Variants in NFIB observed in about 807,000 individuals in gnomAD.
NFIB encodes nuclear factor I B, also known as nuclear factor 1 B-type.
In NFIB, 11 loss-of-function variants were observed where a neutral mutation model predicts 61.5. The ratio of observed to expected loss-of-function variants is 0.18; its 90% CI spans 0.11 to 0.30. The LOEUF is 0.30. NFIB is among the 10% of genes least tolerant of loss of function. The pLI, the probability that NFIB is intolerant of heterozygous loss-of-function variation, is 1.00. For missense variants in NFIB, 471 were observed against 608.9 expected (o/e 0.77, Z 2.38); for synonymous variants, 260 against 216.5 (o/e 1.20, Z -1.76).
intron 2 of NFIB, among the ~76,000 whole-genome samples, chr9:14,294,610 G>A (rs1441609223): frequency 6.6e-6 from 1 of 152,206 alleles, no homozygotes; most frequent in Non-Finnish European, 1.5e-5. Flanking sequence ...GAATGCCACA[G>A]ATTATTAAAA....
chr9:14,407,474 T>C, the NFIB span, among the ~76,000 whole-genome samples: 1 of 152,112 alleles, frequency 6.6e-6, no homozygotes. Flanking sequence ...CTGAGGAGGG[T>C]CCATCAGGTG....
the NFIB span, among the ~76,000 whole-genome samples, chr9:14,470,617 G>A: frequency 6.6e-6 from 1 of 152,238 alleles, no homozygotes; most frequent in Admixed American, 6.5e-5. Context: ...GGGATAGGGG[G>A]ATTTCCTCTA....
At chr9:14,502,390 T>C in the NFIB span, among the ~76,000 whole-genome samples, 3 of 152,190 alleles carry the variant, frequency 2.0e-5, no homozygotes, top group South Asian at 2.1e-4. Context: ...AAAATAAGAA[T>C]ATCTACTGAT....
Position 14,208,343 on chromosome 9 carries a change from C to T in NFIB, c.563-28563G>A, listed in dbSNP as rs894801718. 3.9e-5 allele frequency among the ~76,000 whole-genome samples: 6 copies of T among 151,920 alleles called. No homozygotes were observed. The South Asian group carries it at 1.2e-3, about 32-fold the overall frequency. ...CTTCCGACATCAAGGTTAAATTGTA[C>T]TAAAAAAGAAAAAAATTACACCTCA... On this transcript the variant is annotated intron_variant, in intron 2 of 10. Coordinates refer to ENST00000380953, the MANE Select transcript of NFIB (RefSeq NM_001190737.2).
At chr9:14,286,334 T>G (rs1182946216) in intron 2 of NFIB, among the ~76,000 whole-genome samples, 1 of 152,026 alleles carries the variant, frequency 6.6e-6, no homozygotes, top group African/African-American at 2.4e-5. Context: ...CAGCGCAGAG[T>G]CCAGAAATAC....
intron 1 of NFIB, among the ~76,000 whole-genome samples, chr9:14,390,400 A>G (rs1172380485): frequency 1.3e-5 from 2 of 152,232 alleles, no homozygotes; most frequent in African/African-American, 4.8e-5. Context: ...AGCATCTTGC[A>G]ATGCCAGAAA....
At chr9:14,411,057 T>C in the NFIB span, among the ~76,000 whole-genome samples, 2 of 152,142 alleles carry the variant, frequency 1.3e-5, no homozygotes, top group Non-Finnish European at 2.9e-5. Flanking sequence ...TAGTGGTAAG[T>C]AAAAAGTCAA....
the NFIB span, among the ~76,000 whole-genome samples, chr9:14,435,473 G>A: frequency 6.6e-6 from 1 of 152,148 alleles, no homozygotes; most frequent in African/African-American, 2.4e-5. Flanking sequence ...CTGTGCCTCT[G>A]TTTTCTCATC....
At chr9:14,173,054 AT>A (rs2045748337) in intron 3 of NFIB, among the ~76,000 whole-genome samples, 1 of 152,160 alleles carries the variant, frequency 6.6e-6, no homozygotes, top group Non-Finnish European at 1.5e-5. Context: ...AATTCAACAC[AT>A]TTCTATTTGA....
At chr9:14,497,288 G>T in the NFIB span, among the ~76,000 whole-genome samples, 12 of 152,220 alleles carry the variant, frequency 7.9e-5, 1 homozygote, top group Admixed American at 4.6e-4. Flanking sequence ...ACCATATAAG[G>T]TGAACATGGG....
chr9:14,436,294 G>A, the NFIB span, among the ~76,000 whole-genome samples: 4 of 152,218 alleles, frequency 2.6e-5, no homozygotes, highest in Admixed American at 2.6e-4. Flanking sequence ...GGAAATCTTA[G>A]GTGAACATCA....
the NFIB span, among the ~76,000 whole-genome samples, chr9:14,521,762 T>A: frequency 8.5e-5 from 13 of 152,196 alleles, no homozygotes. Context: ...TAGCAATCAC[T>A]CAGTCCCTAA....
At chr9:14,354,419 G>T (rs1000256601) in intron 1 of NFIB, among the ~76,000 whole-genome samples, 2 of 152,170 alleles carry the variant, frequency 1.3e-5, no homozygotes, top group African/African-American at 4.8e-5. Context: ...CATGTGGTAG[G>T]TGTGAATATA....
At chr9:14,111,339 A>C in intron 10 of NFIB, among the ~76,000 whole-genome samples, 1 of 152,188 alleles carries the variant, frequency 6.6e-6, no homozygotes, top group African/African-American at 2.4e-5. Flanking sequence ...AAGCTGCCAT[A>C]GGTTAGGGTA....
At chr9:14,223,480 A>G (rs975078036) in intron 2 of NFIB, among the ~76,000 whole-genome samples, 2 of 152,230 alleles carry the variant, frequency 1.3e-5, no homozygotes, top group Non-Finnish European at 2.9e-5. Flanking sequence ...CAAAGCTTAA[A>G]AATTAGCATT....
chr9:14,155,928 T>C (rs756490077), intron 3 of NFIB, 35 bp from the exon 4 acceptor site: 10 of 1,319,606 alleles, frequency 7.6e-6, no homozygotes, highest in Non-Finnish European at 1.1e-5. Context: ...ATGATCAATA[T>C]AAGCAGAAAG....
the NFIB span, among the ~76,000 whole-genome samples, chr9:14,502,704 A>C: frequency 6.6e-6 from 1 of 152,000 alleles, no homozygotes; most frequent in Non-Finnish European, 1.5e-5. Context: ...GGGAAGTTTT[A>C]TTTATTTTTA....
At chr9:14,127,821 C>CA (rs2039868540) in intron 6 of NFIB, among the ~76,000 whole-genome samples, 1 of 148,468 alleles carries the variant, frequency 6.7e-6, no homozygotes, top group South Asian at 2.1e-4. Context: ...TCACAGTCTA[C>CA]AAAAAATGCC....
intron 2 of NFIB, among the ~76,000 whole-genome samples, chr9:14,221,339 A>T (rs2051646350): frequency 1.3e-5 from 2 of 152,238 alleles, no homozygotes; most frequent in Admixed American, 1.3e-4. Flanking sequence ...CTGACACAGA[A>T]ATCATAAGAA....
Sources: allele counts gnomAD v4.1 joint callset (sites outside exome capture counted in the v4.1 genomes callset), GRCh38; gene constraint gnomAD v4.1.1; transcripts MANE v1.5; gene names NCBI Gene and HGNC (gene_info 2026-07-23, HGNC 2026-07-21).